The following TRPM3 variants were observed in gnomAD, a reference collection of about 807,000 sequenced individuals.
TRPM3 encodes transient receptor potential cation channel subfamily M member 3.
A neutral mutation model predicts 181.2 loss-of-function variants in TRPM3; 77 were observed. The observed-to-expected ratio is 0.42, with a 90% confidence interval of 0.35 to 0.51. The LOEUF (loss-of-function observed/expected upper bound fraction) is 0.51, where lower values mean the gene tolerates loss of function less well. Ranked by LOEUF, TRPM3 falls within the 20% of genes least tolerant of loss-of-function variation. TRPM3 has a pLI of 0.01. For missense variants in TRPM3, 1,759 were observed against 2,196.7 expected (o/e 0.80, Z 3.98); for synonymous variants, 745 against 796.4 (o/e 0.94, Z 1.09).
chr9:71,099,944 A>T (rs1367782993), intron 1 of TRPM3, among the ~76,000 whole-genome samples: 1 of 152,032 alleles, frequency 6.6e-6, no homozygotes, highest in Non-Finnish European at 1.5e-5. Flanking sequence ...CTCCCTATTG[A>T]CGTATACTGA....
At chr9:70,768,777 T>A (rs2079624174) in intron 7 of TRPM3, among the ~76,000 whole-genome samples, 1 of 152,110 alleles carries the variant, frequency 6.6e-6, no homozygotes, top group South Asian at 2.1e-4. Context: ...TGGATACTAC[T>A]TTATTCCCCC....
chr9:70,861,912 G>T (rs2095530261), intron 3 of TRPM3, among the ~76,000 whole-genome samples: 1 of 129,632 alleles, frequency 7.7e-6, no homozygotes. Context: ...GCCATTCGTG[G>T]TAAAGAAATT....
chr9:70,980,178 C>T (rs1225954271), intron 1 of TRPM3, among the ~76,000 whole-genome samples: 1 of 151,786 alleles, frequency 6.6e-6, no homozygotes, highest in Non-Finnish European at 1.5e-5. Flanking sequence ...CTGAGTCAGG[C>T]GTTGTGGTGC....
chr9:71,004,315 A>C (rs1366107446), intron 1 of TRPM3, among the ~76,000 whole-genome samples: 1 of 152,274 alleles, frequency 6.6e-6, no homozygotes, highest in Non-Finnish European at 1.5e-5. Context: ...GCTGGTGATT[A>C]AGTAGTGGCA....
intron 1 of TRPM3, among the ~76,000 whole-genome samples, chr9:71,032,074 AT>A (rs1385526260): frequency 0.81 from 48,870 of 59,980 alleles, 20,226 homozygotes; most frequent in African/African-American, 0.92. Context: ...ATATTATATT[AT>A]ATTATATATA....
intron 1 of TRPM3, among the ~76,000 whole-genome samples, chr9:71,270,090 C>T (rs1413845009): frequency 6.6e-6 from 1 of 152,144 alleles, no homozygotes; most frequent in Non-Finnish European, 1.5e-5. Flanking sequence ...TAATGTCACT[C>T]CTCTGCTTAA....
intron 1 of TRPM3, among the ~76,000 whole-genome samples, chr9:71,197,008 T>C (rs946961789): frequency 2.6e-5 from 4 of 151,980 alleles, no homozygotes; most frequent in African/African-American, 7.2e-5. Context: ...CCCAATGCTA[T>C]CTCTCCCCCG....
intron 12 of TRPM3, among the ~76,000 whole-genome samples, chr9:70,631,292 A>G (rs544245409): frequency 6.6e-6 from 1 of 152,226 alleles, no homozygotes; most frequent in Admixed American, 6.5e-5. Flanking sequence ...TGCTTTTGCA[A>G]ATTTCCATGC....
chr9:70,964,269 T>C (rs1053596458), intron 1 of TRPM3, among the ~76,000 whole-genome samples: 9 of 152,138 alleles, frequency 5.9e-5, no homozygotes, highest in African/African-American at 1.7e-4. Flanking sequence ...TTTTACAGTA[T>C]ATAACCCATG....
chr9:71,152,978 G>A (rs1002189996), intron 1 of TRPM3, among the ~76,000 whole-genome samples: 8 of 152,082 alleles, frequency 5.3e-5, no homozygotes, highest in Admixed American at 2.6e-4. Context: ...TAAACTGAGA[G>A]AACTGAGAAG....
At chr9:71,378,173 AGAG>A (rs1160636398) in intron 1 of TRPM3, among the ~76,000 whole-genome samples, 1 of 152,140 alleles carries the variant, frequency 6.6e-6, no homozygotes, top group Non-Finnish European at 1.5e-5. Context: ...GCACTTTGAA[AGAG>A]AAGATACGCA....
chr9:71,003,974 TGAAGTG>T (rs1362182591), intron 1 of TRPM3, among the ~76,000 whole-genome samples: 1 of 152,186 alleles, frequency 6.6e-6, no homozygotes, highest in Non-Finnish European at 1.5e-5. Context: ...CCATGGTTTC[TGAAGTG>T]GAAGGAGAAA....
chr9:70,651,975 A>G (rs1003377002), intron 9 of TRPM3, among the ~76,000 whole-genome samples: 1 of 152,168 alleles, frequency 6.6e-6, no homozygotes, highest in Non-Finnish European at 1.5e-5. Context: ...AAGACCCTTC[A>G]GAGGCCACTG....
intron 1 of TRPM3, among the ~76,000 whole-genome samples, chr9:71,438,966 A>G (rs1458422089): frequency 2.0e-5 from 3 of 152,238 alleles, no homozygotes; most frequent in Non-Finnish European, 2.9e-5. Context: ...TAATTTTATA[A>G]CTACAATCTA....
chr9:70,744,189 A>G (rs1262179685), intron 8 of TRPM3, among the ~76,000 whole-genome samples: 1 of 151,996 alleles, frequency 6.6e-6, no homozygotes, highest in African/African-American at 2.4e-5. Flanking sequence ...TGAGCTGGGC[A>G]TGGTGGTGGG....
At chr9:70,611,968 A>G (rs752246359) in intron 18 of TRPM3, among the ~76,000 whole-genome samples, 1 of 152,198 alleles carries the variant, frequency 6.6e-6, no homozygotes. Flanking sequence ...AGACACTTCA[A>G]ATTGGTGGCA....
chr9:71,376,901 T>C (rs942147178), intron 1 of TRPM3, among the ~76,000 whole-genome samples: 3 of 152,108 alleles, frequency 2.0e-5, no homozygotes, highest in African/African-American at 7.2e-5. Context: ...TCATAAAATT[T>C]AATTTTCAGC....
At chr9:70,980,121 T>C (rs1263692256) in intron 1 of TRPM3, among the ~76,000 whole-genome samples, 2 of 121,604 alleles carry the variant, frequency 1.6e-5, no homozygotes, top group Non-Finnish European at 3.4e-5. Context: ...CAAGAGCTAA[T>C]GCTGTGGTGG....
chr9:70,561,013 A>G (rs770026353), intron 22 of TRPM3, among the ~76,000 whole-genome samples: 3 of 152,222 alleles, frequency 2.0e-5, no homozygotes, highest in Non-Finnish European at 4.4e-5. Context: ...AATCAGAGTC[A>G]TCCTTAAAAA....
Sources: allele counts gnomAD v4.1 joint callset (sites outside exome capture counted in the v4.1 genomes callset), GRCh38; gene constraint gnomAD v4.1.1; transcripts MANE v1.5; gene names NCBI Gene and HGNC (gene_info 2026-07-23, HGNC 2026-07-21).